GLIS1: variants seen among roughly 807,000 people sequenced by gnomAD.
The protein encoded by GLIS1 is GLIS family zinc finger 1.
A neutral mutation model predicts 63.8 loss-of-function variants in GLIS1; 24 were observed. The observed-to-expected ratio is 0.38, with a 90% CI of 0.27 to 0.53. GLIS1 has a LOEUF of 0.53. Ranked by LOEUF, GLIS1 falls within the 20% of genes least tolerant of loss-of-function variation. The pLI is 0.85. For synonymous variants in GLIS1, 450 were observed against 482.5 expected (o/e 0.93, Z 0.88); for missense variants, 1,036 against 1,074.1 (o/e 0.96, Z 0.50).
chr1:53,525,564 T>C (rs1175698591), intron 5 of GLIS1, among the ~76,000 whole-genome samples: 1 of 144,600 alleles, frequency 6.9e-6, no homozygotes, highest in African/African-American at 2.6e-5. Flanking sequence ...TCACCCAGAA[T>C]ATAAGAAGTG....
intron 2 of GLIS1, among the ~76,000 whole-genome samples, chr1:53,642,180 A>C (rs956684164): frequency 6.6e-6 from 1 of 152,228 alleles, no homozygotes; most frequent in African/African-American, 2.4e-5. Flanking sequence ...CATTACGAGG[A>C]CTGGTGCCCA....
intron 4 of GLIS1, among the ~76,000 whole-genome samples, chr1:53,535,396 C>G (rs1048224753): frequency 7.9e-5 from 12 of 152,070 alleles, no homozygotes; most frequent in Non-Finnish European, 1.5e-5. Context: ...AGTCCAGGCA[C>G]TGGGCTGGAC....
intron 2 of GLIS1, among the ~76,000 whole-genome samples, chr1:53,618,124 C>T (rs561397106): frequency 2.0e-5 from 3 of 152,336 alleles, no homozygotes; most frequent in East Asian, 1.9e-4. Context: ...GAAGGGACCT[C>T]GGCAGGGACA....
chr1:53,710,211 C>T (rs903668952), intron 2 of GLIS1, among the ~76,000 whole-genome samples: 1 of 152,222 alleles, frequency 6.6e-6, no homozygotes, highest in Non-Finnish European at 1.5e-5. Flanking sequence ...GGGGGCTTTC[C>T]GAATCATTCC....
chr1:53,514,574 C>T, intron 8 of GLIS1, 51 bp downstream of exon 8: 2 of 1,585,042 alleles, frequency 1.3e-6, no homozygotes, highest in African/African-American at 1.4e-5. Context: ...CTGCCTCCCC[C>T]CGAGATCCCC....
intron 2 of GLIS1, among the ~76,000 whole-genome samples, chr1:53,614,437 A>G (rs1377710403): frequency 6.6e-6 from 1 of 152,088 alleles, no homozygotes; most frequent in Non-Finnish European, 1.5e-5. Context: ...GCGGGAACAC[A>G]GGCCAGGTGT....
intron 2 of GLIS1, among the ~76,000 whole-genome samples, chr1:53,719,272 G>A (rs1218303355): frequency 2.6e-5 from 4 of 152,228 alleles, no homozygotes; most frequent in African/African-American, 9.6e-5. Context: ...GTCCAGGGCT[G>A]TGCCCAGTTC....
intron 2 of GLIS1, among the ~76,000 whole-genome samples, chr1:53,655,607 C>A (rs1247691000): frequency 1.3e-5 from 2 of 152,138 alleles, no homozygotes; most frequent in Admixed American, 1.3e-4. Context: ...AGATAAGAAT[C>A]GCATTCTAAT....
At chr1:53,655,731 G>T (rs993628137) in intron 2 of GLIS1, among the ~76,000 whole-genome samples, 3 of 152,130 alleles carry the variant, frequency 2.0e-5, no homozygotes, top group Non-Finnish European at 4.4e-5. Context: ...TATTTCCCTT[G>T]CCTACATGGG....
chr1:53,653,920 G>A (rs969981206), intron 2 of GLIS1, among the ~76,000 whole-genome samples: 4 of 152,208 alleles, frequency 2.6e-5, no homozygotes, highest in African/African-American at 9.6e-5. Flanking sequence ...GTATCCACCT[G>A]GACCAGACCC....
chr1:53,704,855 G>C (rs771310998), intron 2 of GLIS1, among the ~76,000 whole-genome samples: 3 of 152,218 alleles, frequency 2.0e-5, no homozygotes, highest in Non-Finnish European at 4.4e-5. Context: ...TCCACATGAG[G>C]CATGATGGTT....
intron 3 of GLIS1, among the ~76,000 whole-genome samples, chr1:53,595,235 G>A (rs1645242986): frequency 6.6e-6 from 1 of 152,168 alleles, no homozygotes; most frequent in Non-Finnish European, 1.5e-5. Context: ...AGAGGCAGGA[G>A]GCCAGGCACA....
intron 2 of GLIS1, among the ~76,000 whole-genome samples, chr1:53,723,891 G>A (rs1056621136): frequency 4.6e-5 from 7 of 152,260 alleles, no homozygotes; most frequent in South Asian, 4.1e-4. Flanking sequence ...TGCCATTCCC[G>A]TTTAAGCTGC....
chr1:53,703,639 T>TAAAAAAAAAAAAAAAAAAAAAA (rs59555116), intron 2 of GLIS1, among the ~76,000 whole-genome samples: 1 of 71,682 alleles, frequency 1.4e-5, no homozygotes, highest in Non-Finnish European at 2.8e-5. Flanking sequence ...ACCCTGTCTC[T>TAAAAAAAAAAAAAAAAAAAAAA]AAAAAAAAAA....
chr1:53,520,565 T>C lies in GLIS1; in HGVS notation c.1726+69A>G, dbSNP rs1002940407. On this transcript the variant is annotated intron_variant, in intron 7 of 10. Coordinates refer to ENST00000628545, the MANE Select transcript of GLIS1 (RefSeq NM_001367484.1). ...TGGGCGGCCCACTGAGCATCACTTG[T>C]CCTTGACTGTGGGCAGAGAAAGGCC... is the stretch of plus-strand genomic sequence containing the variant. 4 of 1,493,522 alleles carry C rather than the reference T, an allele frequency of 2.7e-6. No homozygotes were observed. In the African/African-American group the frequency reaches 4.2e-5, roughly 16 times the overall value. The allele number at this position is 1,493,522 out of a possible 1,614,324, so 92.5% of individuals were successfully genotyped here.
intron 2 of GLIS1, among the ~76,000 whole-genome samples, chr1:53,682,776 G>A (rs1253920635): frequency 6.6e-6 from 1 of 152,194 alleles, no homozygotes; most frequent in Non-Finnish European, 1.5e-5. Context: ...AAGATTATCT[G>A]AGACAACCCT....
chr1:53,630,987 T>A (rs528932376), intron 2 of GLIS1, among the ~76,000 whole-genome samples: 8 of 152,266 alleles, frequency 5.3e-5, no homozygotes, highest in African/African-American at 1.4e-4. Context: ...CTGTCCTTTA[T>A]GCATTTTCTC....
At chr1:53,540,669 G>A (rs1218719897) in intron 4 of GLIS1, among the ~76,000 whole-genome samples, 6 of 152,262 alleles carry the variant, frequency 3.9e-5, no homozygotes, top group Admixed American at 3.3e-4. Context: ...CTGGCTCTGC[G>A]TGACCCCGGC....
intron 4 of GLIS1, among the ~76,000 whole-genome samples, chr1:53,538,560 G>A (rs940625018): frequency 6.6e-5 from 10 of 152,136 alleles, no homozygotes; most frequent in Admixed American, 2.0e-4. Flanking sequence ...AGCCATGATC[G>A]AGCACTGCCA....
Sources: allele counts gnomAD v4.1 joint callset (sites outside exome capture counted in the v4.1 genomes callset), GRCh38; gene constraint gnomAD v4.1.1; transcripts MANE v1.5; gene names NCBI Gene and HGNC (gene_info 2026-07-23, HGNC 2026-07-21).